Variants in TMEM135 observed in about 807,000 individuals in gnomAD.
TMEM135 encodes peroxisomal membrane protein 52.
TMEM135 carries 30 observed loss-of-function variants against 60.3 expected under a neutral mutation model. That is an observed-to-expected ratio of 0.50 (90% CI 0.37 to 0.68). The LOEUF (loss-of-function observed/expected upper bound fraction) is 0.68. Among genes scored for constraint, TMEM135 ranks in the 30% least tolerant of loss-of-function variants. The pLI is 0.00. For missense variants in TMEM135, 468 were observed against 548.8 expected (o/e 0.85, Z 1.47); for synonymous variants, 190 against 186.7 (o/e 1.02, Z -0.14).
chr11:87,112,776 T>A (rs1415317122), intron 4 of TMEM135, among the ~76,000 whole-genome samples: 2 of 152,016 alleles, frequency 1.3e-5, no homozygotes, highest in African/African-American at 4.8e-5. Context: ...TCTTATCATT[T>A]GTTAAATTAT....
At chr11:87,130,121 T>A (rs35121629) in intron 4 of TMEM135, among the ~76,000 whole-genome samples, 66,020 of 148,074 alleles carry the variant, frequency 0.45, 14,872 homozygotes, top group East Asian at 0.59. Flanking sequence ...AGTACATTTT[T>A]AAAAAAAAAA....
At chr11:87,274,866 A>T (rs1413764061) in intron 6 of TMEM135, among the ~76,000 whole-genome samples, 1 of 149,462 alleles carries the variant, frequency 6.7e-6, no homozygotes, top group Non-Finnish European at 1.5e-5. Flanking sequence ...ATATGCATAT[A>T]TATTTATATA....
chr11:87,325,804 CA>C lies in TMEM135; in HGVS notation c.*4472del, dbSNP rs1366594365. ...TCTCTGTATGTGAAGCCTTTAAATCCAGAACAATTAATTTCTTCTCTTCTTA... is the reference window on the plus strand; with the variant it reads ...TCTCTGTATGTGAAGCCTTTAAATCCGAACAATTAATTTCTTCTCTTCTTA... On this transcript the variant is annotated 3_prime_UTR_variant, in exon 15 of 15. Coordinates refer to ENST00000305494, the MANE Select transcript of TMEM135 (RefSeq NM_022918.4). 1 of 453,842 alleles carries C rather than the reference CA, an allele frequency of 2.2e-6. No individual in the cohort carries two copies. Among genetic ancestry groups the C allele is most frequent in the East Asian group, 7.0e-5 (1 of 14,384 alleles). 28.1% of individuals were successfully genotyped at this position (453,842 alleles called of 1,614,324 possible). A position where few individuals can be genotyped will look rare whatever the true frequency, so the allele number is the denominator to read the frequency against.
At chr11:87,169,167 C>T (rs990862649) in intron 5 of TMEM135, among the ~76,000 whole-genome samples, 1 of 150,756 alleles carries the variant, frequency 6.6e-6, no homozygotes, top group Non-Finnish European at 1.5e-5. Context: ...ATTCTTCCTC[C>T]ATCCCTTTAT....
intron 1 of TMEM135, among the ~76,000 whole-genome samples, chr11:87,045,566 A>C (rs1488318512): frequency 6.6e-6 from 1 of 152,234 alleles, no homozygotes; most frequent in African/African-American, 2.4e-5. Context: ...ATATTGGTAG[A>C]AAGAGACCCA....
intron 4 of TMEM135, among the ~76,000 whole-genome samples, chr11:87,106,109 CT>C (rs56723130): frequency 0.084 from 12,257 of 145,786 alleles, 536 homozygotes; most frequent in East Asian, 0.18. Context: ...GTATTTCTTT[CT>C]TTTTTTTTTT....
intron 14 of TMEM135, among the ~76,000 whole-genome samples, chr11:87,319,919 A>G (rs1158369868): frequency 6.6e-6 from 1 of 152,154 alleles, no homozygotes; most frequent in Non-Finnish European, 1.5e-5. Context: ...TGCTACCTTC[A>G]GCTGTGTTGC....
At chr11:87,173,674 G>A (rs1939298466) in intron 5 of TMEM135, among the ~76,000 whole-genome samples, 1 of 152,092 alleles carries the variant, frequency 6.6e-6, no homozygotes, top group Non-Finnish European at 1.5e-5. Flanking sequence ...TATTACATAT[G>A]TTGTATTATT....
At chr11:87,146,029 C>T (rs1185837950) in intron 4 of TMEM135, among the ~76,000 whole-genome samples, 1 of 152,168 alleles carries the variant, frequency 6.6e-6, no homozygotes, top group African/African-American at 2.4e-5. Flanking sequence ...AGTCTTTATC[C>T]TGTGCTTTCT....
chr11:87,233,255 G>T (rs566652940), intron 5 of TMEM135, among the ~76,000 whole-genome samples: 2 of 152,090 alleles, frequency 1.3e-5, no homozygotes, highest in South Asian at 4.2e-4. Flanking sequence ...CAAGATGATA[G>T]ATTTAAACAT....
intron 6 of TMEM135, among the ~76,000 whole-genome samples, chr11:87,279,301 T>A (rs1450292548): frequency 6.6e-6 from 1 of 152,198 alleles, no homozygotes; most frequent in Non-Finnish European, 1.5e-5. Context: ...CTTCTTTTTT[T>A]CTGTCTGTGG....
At chr11:87,272,110 G>GA (rs1941878958) in intron 6 of TMEM135, among the ~76,000 whole-genome samples, 2 of 141,222 alleles carry the variant, frequency 1.4e-5, no homozygotes, top group South Asian at 4.5e-4. Flanking sequence ...CTGGAGTGCA[G>GA]AGGTGAGATA....
chr11:87,314,906 C>T (rs1237676790), intron 12 of TMEM135, among the ~76,000 whole-genome samples: 1 of 151,752 alleles, frequency 6.6e-6, no homozygotes, highest in East Asian at 1.9e-4. Flanking sequence ...CATAAAGACT[C>T]CTTAAAGAAT....
chr11:87,237,150 G>A (rs183464336), intron 6 of TMEM135, among the ~76,000 whole-genome samples: 1 of 152,054 alleles, frequency 6.6e-6, no homozygotes, highest in Admixed American at 6.6e-5. Context: ...TTGTTATAAT[G>A]TCAAAGTTGT....
At chr11:87,241,438 C>A (rs1941132215) in intron 6 of TMEM135, among the ~76,000 whole-genome samples, 2 of 151,958 alleles carry the variant, frequency 1.3e-5, no homozygotes, top group African/African-American at 4.8e-5. Flanking sequence ...GCATACAGTG[C>A]ATACCTAACT....
At chr11:87,038,224 C>T (rs746944690) in intron 1 of TMEM135, 38 bp downstream of exon 1, 1 of 1,609,066 alleles carries the variant, frequency 6.2e-7, no homozygotes, top group Non-Finnish European at 8.5e-7. Context: ...CGAGTTTAGT[C>T]TGGAAGATGG....
chr11:87,302,470 C>A, intron 8 of TMEM135, 28 bp downstream of exon 8: 1 of 1,613,292 alleles, frequency 6.2e-7, no homozygotes, highest in South Asian at 1.1e-5. Context: ...ATATTTTAAC[C>A]TGCTTTGTCA....
chr11:87,230,220 G>T (rs905257447), intron 5 of TMEM135, among the ~76,000 whole-genome samples: 36 of 151,852 alleles, frequency 2.4e-4, no homozygotes, highest in Non-Finnish European at 4.3e-4. Flanking sequence ...ATACATAATT[G>T]GTCTTTGTAA....
chr11:87,252,084 A>G (rs1450539739), intron 6 of TMEM135, among the ~76,000 whole-genome samples: 1 of 152,142 alleles, frequency 6.6e-6, no homozygotes, highest in Non-Finnish European at 1.5e-5. Context: ...AGAAAAAGAT[A>G]GGGCCATTTG....
Sources: allele counts gnomAD v4.1 joint callset (sites outside exome capture counted in the v4.1 genomes callset), GRCh38; gene constraint gnomAD v4.1.1; transcripts MANE v1.5; gene names NCBI Gene and HGNC (gene_info 2026-07-23, HGNC 2026-07-21).